Variants in SASH1 observed in about 807,000 individuals in gnomAD.
SASH1 encodes the protein SAM and SH3 domain containing 1.
SASH1 carries 44 observed loss-of-function variants against 125.2 expected under a neutral mutation model. The observed-to-expected ratio is 0.35, with a 90% CI of 0.28 to 0.45. The LOEUF is 0.45. SASH1 is among the 20% of genes least tolerant of loss of function. The pLI, the probability that SASH1 is intolerant of heterozygous loss-of-function variation, is 1.00. For missense variants in SASH1, 1,426 were observed against 1,614.5 expected (o/e 0.88, Z 2.00); for synonymous variants, 639 against 649.1 (o/e 0.98, Z 0.24).
chr6:148,527,018 G>A (rs567604740), intron 11 of SASH1, among the ~76,000 whole-genome samples: 10 of 152,074 alleles, frequency 6.6e-5, no homozygotes, highest in African/African-American at 2.4e-4. Context: ...GACTACAGAC[G>A]CCCACCACCA....
chr6:148,379,912 C>T (rs989991176), intron 1 of SASH1: 7 of 456,422 alleles, frequency 1.5e-5, no homozygotes, highest in Non-Finnish European at 3.1e-5. Flanking sequence ...CTCACCACCC[C>T]TCCCAGGCCC....
chr6:148,342,557 C>T (rs1192901891), upstream of SASH1: 1 of 152,124 alleles, frequency 6.6e-6, no homozygotes, highest in Non-Finnish European at 1.5e-5. Context: ...TTTCTTTAGC[C>T]TCGAGGGAGA....
At chr6:148,541,108 C>T (rs1057504208) in intron 17 of SASH1, among the ~76,000 whole-genome samples, 1 of 151,850 alleles carries the variant, frequency 6.6e-6, no homozygotes, top group African/African-American at 2.4e-5. Flanking sequence ...CTAAACGTTA[C>T]CATGGATGGC....
intron 4 of SASH1, among the ~76,000 whole-genome samples, chr6:148,459,364 G>C (rs1777510933): frequency 6.6e-6 from 1 of 152,170 alleles, no homozygotes; most frequent in South Asian, 2.1e-4. Flanking sequence ...GCCTTAGTGA[G>C]GCCGTGGCCC....
chr6:148,548,697 C>G lies in SASH1; in HGVS notation c.*139C>G, dbSNP rs1162182916. 7 of 1,011,144 alleles carry G rather than the reference C, an allele frequency of 6.9e-6. No individual in the cohort carries two copies. In the African/African-American group the frequency reaches 1.1e-4, roughly 16 times the overall value. The allele number at this position is 1,011,144 out of a possible 1,614,324, so 62.6% of individuals were successfully genotyped here. A position where few individuals can be genotyped will look rare whatever the true frequency, so the allele number is the denominator to read the frequency against. ...TGGCGTGTGGCCAAACAGCGTGAAA[C>G]CTTGGCACAGGACTGAGGATCCTCT... On this transcript the variant is annotated 3_prime_UTR_variant, in exon 20 of 20. Coordinates refer to ENST00000367467, the MANE Select transcript of SASH1 (RefSeq NM_015278.5).
intron 2 of SASH1, among the ~76,000 whole-genome samples, chr6:148,433,019 G>A (rs1315003293): frequency 6.6e-6 from 1 of 152,172 alleles, no homozygotes; most frequent in Admixed American, 6.5e-5. Context: ...ATTTGTTTCG[G>A]TTTTGGTTTT....
intron 16 of SASH1, among the ~76,000 whole-genome samples, chr6:148,538,524 T>C (rs1278665930): frequency 6.6e-6 from 1 of 152,224 alleles, no homozygotes; most frequent in Non-Finnish European, 1.5e-5. Context: ...GGGACAGTAT[T>C]TGCTCTTGTG....
chr6:148,308,129 G>A (rs191452383), intron 1 of SASH1, among the ~76,000 whole-genome samples: 1 of 152,180 alleles, frequency 6.6e-6, no homozygotes, highest in Admixed American at 6.5e-5. Context: ...TAACCTCCAT[G>A]TCCCTCTTTC....
At chr6:148,261,383 A>G in the SASH1 span, among the ~76,000 whole-genome samples, 1 of 152,180 alleles carries the variant, frequency 6.6e-6, no homozygotes, top group African/African-American at 2.4e-5. Flanking sequence ...TACTTATAAA[A>G]CATGTGCCTC....
At chr6:148,512,337 C>T (rs973430073) in intron 8 of SASH1, 10 of 346,866 alleles carry the variant, frequency 2.9e-5, no homozygotes, top group African/African-American at 8.9e-5. Context: ...AGGTTTGTCC[C>T]GTTGATAGTT....
intron 1 of SASH1, among the ~76,000 whole-genome samples, chr6:148,313,116 C>T (rs1323319318): frequency 1.3e-5 from 2 of 152,120 alleles, no homozygotes; most frequent in Non-Finnish European, 2.9e-5. Context: ...CAAACTTGGG[C>T]ACAGATATTG....
Position 148,502,757 on chromosome 6 carries a change from T to C in SASH1, c.730-11567T>C, listed in dbSNP as rs1468535881. ...GCATCTAAGGTTGGGATGGGGTGGG[T>C]GGGAGAAGTAGGGCCCCAGGGCCAT... is the stretch of plus-strand genomic sequence containing the variant. On this transcript the variant is annotated intron_variant, in intron 8 of 19. Coordinates refer to ENST00000367467, the MANE Select transcript of SASH1 (RefSeq NM_015278.5). Among the ~76,000 whole-genome samples, 4 of 121,294 alleles carry C rather than the reference T, an allele frequency of 3.3e-5. No individual in the cohort carries two copies. The Admixed American group carries it at 3.6e-4, about 11-fold the overall frequency. 79.6% of individuals were successfully genotyped at this position (121,294 alleles called of 152,430 possible). A position where few individuals can be genotyped will look rare whatever the true frequency, so the allele number is the denominator to read the frequency against.
At chr6:148,216,704 A>G in the SASH1 span, among the ~76,000 whole-genome samples, 1 of 151,630 alleles carries the variant, frequency 6.6e-6, no homozygotes, top group African/African-American at 2.4e-5. Flanking sequence ...TCAGCAGCAC[A>G]TTTTCTCCCT....
chr6:148,366,720 C>T (rs1782473391), intron 1 of SASH1, among the ~76,000 whole-genome samples: 1 of 151,188 alleles, frequency 6.6e-6, no homozygotes, highest in Non-Finnish European at 1.5e-5. Flanking sequence ...GCCTCAGCCT[C>T]CTGAGTAGCT....
intron 8 of SASH1, among the ~76,000 whole-genome samples, chr6:148,492,667 G>A (rs1779154357): frequency 6.6e-6 from 1 of 151,646 alleles, no homozygotes; most frequent in Admixed American, 6.6e-5. Context: ...AAATACAATA[G>A]AAAATTAGCC....
At chr6:148,377,321 G>A (rs1216092340) in intron 1 of SASH1, among the ~76,000 whole-genome samples, 2 of 151,876 alleles carry the variant, frequency 1.3e-5, no homozygotes, top group South Asian at 2.1e-4. Context: ...GGATTTTCTG[G>A]ATAAGCTCCT....
intron 8 of SASH1, among the ~76,000 whole-genome samples, chr6:148,504,454 C>T (rs1157215073): frequency 6.6e-6 from 1 of 152,168 alleles, no homozygotes; most frequent in Non-Finnish European, 1.5e-5. Context: ...GAGTCAAATA[C>T]TGAAGTCCCT....
intron 1 of SASH1, among the ~76,000 whole-genome samples, chr6:148,367,396 C>T (rs562412148): frequency 9.9e-5 from 9 of 90,836 alleles, no homozygotes; most frequent in Middle Eastern, 5.1e-3. Flanking sequence ...TCTGAGCCAC[C>T]GCTTAGCTTG....
At chr6:148,438,464 G>C (rs376988335) in intron 2 of SASH1, among the ~76,000 whole-genome samples, 1 of 152,106 alleles carries the variant, frequency 6.6e-6, no homozygotes, top group African/African-American at 2.4e-5. Flanking sequence ...TAGAAATGGT[G>C]TATCAAGTTT....
Sources: gnomAD v4.1 joint callset for allele counts (sites outside exome capture counted in the v4.1 genomes callset) on GRCh38, gnomAD v4.1.1 for gene constraint, MANE v1.5 for transcripts, NCBI Gene and HGNC (gene_info 2026-07-23, HGNC 2026-07-21) for gene names.